Variants in FGF13 observed in about 807,000 individuals in gnomAD.
FGF13 encodes fibroblast growth factor 13.
A neutral mutation model predicts 19.5 loss-of-function variants in FGF13; 2 were observed. The ratio of observed to expected loss-of-function variants is 0.10; its 90% CI spans 0.04 to 0.32. The LOEUF is 0.32. FGF13 is among the 10% of genes least tolerant of loss of function. The pLI is 1.00. For synonymous variants in FGF13, 72 were observed against 76.9 expected (o/e 0.94, Z 0.33); for missense variants, 113 against 192.7 (o/e 0.59, Z 2.45).
chrX:138,654,075 G>A (rs1438494572), intron 3 of FGF13, among the ~76,000 whole-genome samples: 1 of 110,399 alleles, frequency 9.1e-6, no homozygotes, highest in Non-Finnish European at 1.9e-5. Context: ...GAACCCAGTC[G>A]GGTCTAACTT....
chrX:138,984,275 G>A (rs1000578778), intron 1 of FGF13, among the ~76,000 whole-genome samples: 13 of 108,391 alleles, frequency 1.2e-4, no homozygotes, highest in Non-Finnish European at 2.5e-4. Flanking sequence ...GGGCATGGTG[G>A]CACATGCCTG....
At chrX:138,828,291 C>T (rs886832203) in intron 3 of FGF13, among the ~76,000 whole-genome samples, 4 of 99 alleles carry the variant, frequency 0.04, no homozygotes, top group Non-Finnish European at 0.075. Flanking sequence ...CATTAAGGGC[C>T]GGGCGCGGTG....
chrX:139,052,366 C>T (rs1333442353), intron 1 of FGF13, among the ~76,000 whole-genome samples: 1 of 112,204 alleles, frequency 8.9e-6, no homozygotes, highest in African/African-American at 3.2e-5. Flanking sequence ...AAGAACTGAG[C>T]ATCCTGGAAA....
At position 138,616,935 on chromosome X, in the gene FGF13, C is replaced by T. The variant is rs2088973628; in HGVS notation, c.*15915G>A. The stretch of plus-strand genomic sequence containing the variant: ...CTGAAGCAGCTGGGGACGCAGGGTA[C>T]CATGTTTCAAGGCTGCAAAGAGCAA... On this transcript the variant is annotated 3_prime_UTR_variant, in exon 5 of 5. Transcript: ENST00000315930. 1 of 110,583 alleles carries T rather than the reference C, an allele frequency of 9.0e-6. No homozygotes were observed. The highest frequency in any genetic ancestry group is 1.9e-5 in the Non-Finnish European group (1 of 53,207). The allele number at this position is 110,583 out of a possible 1,213,427, so 9.1% of individuals were successfully genotyped here.
intron 1 of FGF13, among the ~76,000 whole-genome samples, chrX:139,188,626 G>A (rs1279233117): frequency 1.8e-5 from 2 of 111,628 alleles, no homozygotes; most frequent in African/African-American, 6.5e-5. Context: ...CTAAAGTCAA[G>A]GCCTGGATAT....
At chrX:138,761,452 A>G (rs770586970) in intron 3 of FGF13, among the ~76,000 whole-genome samples, 67 of 111,671 alleles carry the variant, frequency 6.0e-4, no homozygotes, top group African/African-American at 2.1e-3. Flanking sequence ...AGGCTTTGAA[A>G]GGACCACTGA....
chrX:138,697,243 T>C (rs1457764988), intron 3 of FGF13, among the ~76,000 whole-genome samples: 4 of 111,508 alleles, frequency 3.6e-5, no homozygotes, highest in Non-Finnish European at 7.5e-5. Context: ...TCAAAGGAGA[T>C]TGTATTATGA....
chrX:139,138,418 G>C (rs2083816472), intron 1 of FGF13, among the ~76,000 whole-genome samples: 1 of 111,855 alleles, frequency 8.9e-6, no homozygotes, highest in Non-Finnish European at 1.9e-5. Context: ...TCCCAAGTCA[G>C]AGGCTATTTC....
At chrX:138,635,171 C>T (rs2089168601) in intron 4 of FGF13, among the ~76,000 whole-genome samples, 1 of 111,719 alleles carries the variant, frequency 9.0e-6, no homozygotes, top group South Asian at 3.7e-4. Context: ...TATGTTCTCA[C>T]TTAAGTGGGA....
intron 1 of FGF13, among the ~76,000 whole-genome samples, chrX:139,164,254 G>A (rs12008155): frequency 0.12 from 13,342 of 110,554 alleles, 1,354 homozygotes; most frequent in African/African-American, 0.34. Flanking sequence ...TTTTCATGTG[G>A]TAGTTCTGTG....
chrX:139,183,659 G>C (rs912795109), intron 1 of FGF13, among the ~76,000 whole-genome samples: 2 of 112,054 alleles, frequency 1.8e-5, no homozygotes, highest in Non-Finnish European at 3.8e-5. Context: ...GGCCTTGCCA[G>C]CAGCAAATGC....
chrX:138,711,024 C>A lies in FGF13; in HGVS notation c.-21G>T. The stretch of plus-strand genomic sequence containing the variant: ...GCCATGGCCACGACGCCCACCACCA[C>A]CGCTTCTTTTGCTGCCCCTCTCTGG... On this transcript the variant is annotated 5_prime_UTR_variant, in exon 1 of 5. Coordinates refer to ENST00000315930, the MANE Select transcript of FGF13 (RefSeq NM_004114.5). The A allele has an allele frequency of 8.3e-7, 1 of 1,207,109 alleles. No homozygotes were observed. The highest frequency in any genetic ancestry group is 1.1e-6 in the Non-Finnish European group (1 of 893,842).
rs149608856 is a variant in FGF13 at position 139,051,842 on chromosome X, G to A, written c.-113+151574C>T. On this transcript the variant is annotated intron_variant, in intron 1 of 2. Coordinates refer to the FGF13 transcript ENST00000421460. ...AAGCATTATGACGGATTTCAGCCAT[G>A]TTCTAAAACTTCTTCTGAAAAAAAT... Among the ~76,000 whole-genome samples the A allele has an allele frequency of 8.0e-3, 893 of 112,225 alleles. 13 individuals carry two copies. Among genetic ancestry groups the A allele is most frequent in the African/African-American group, 0.027 (820 of 30,942 alleles).
chrX:138,845,278 A>G (rs927669625), intron 3 of FGF13, among the ~76,000 whole-genome samples: 2 of 111,474 alleles, frequency 1.8e-5, no homozygotes, highest in East Asian at 5.7e-4. Flanking sequence ...CTGTCTTATC[A>G]TGCTGTGCCT....
At chrX:138,826,294 C>T (rs763875813) in intron 3 of FGF13, among the ~76,000 whole-genome samples, 77 of 111,969 alleles carry the variant, frequency 6.9e-4, no homozygotes, top group Non-Finnish European at 1.2e-3. Flanking sequence ...TTCTTTTAGG[C>T]TAAGTGAATT....
chrX:139,159,592 T>A (rs1038338093), intron 1 of FGF13, among the ~76,000 whole-genome samples: 2 of 100,088 alleles, frequency 2.0e-5, no homozygotes, highest in Non-Finnish European at 3.9e-5. Flanking sequence ...TCATCTCACG[T>A]GCAAAGACGC....
intron 1 of FGF13, among the ~76,000 whole-genome samples, chrX:138,972,356 ATTTTT>A (rs34553958): frequency 1.3e-5 from 1 of 78,084 alleles, no homozygotes; most frequent in Non-Finnish European, 2.5e-5. Context: ...CTTCACCAGA[ATTTTT>A]TTTTTTTTTT....
intron 1 of FGF13, among the ~76,000 whole-genome samples, chrX:138,879,686 G>A (rs1476076325): frequency 2.8e-5 from 3 of 108,864 alleles, no homozygotes; most frequent in Admixed American, 9.9e-5. Context: ...AGTCCCCAGT[G>A]TGTGATGTTC....
rs2089094894 is a variant in FGF13, at chrX:138,629,506, C to T, written c.*3344G>A. ...GTCTCATATAGTGAGGAAGTTCTCA[C>T]TAAATCTGTTTGATAAGTGGCGCTT... On this transcript the variant is annotated 3_prime_UTR_variant, in exon 5 of 5. Coordinates refer to ENST00000315930, the MANE Select transcript of FGF13 (RefSeq NM_004114.5). The T allele has an allele frequency of 9.0e-6, 1 of 110,863 alleles. No individual in the cohort carries two copies. Among genetic ancestry groups the T allele is most frequent in the Non-Finnish European group, 1.9e-5 (1 of 52,981 alleles). The allele number at this position is 110,863 out of a possible 1,213,427, so 9.1% of individuals were successfully genotyped here.
Sources: allele counts gnomAD v4.1 joint callset (sites outside exome capture counted in the v4.1 genomes callset), GRCh38; gene constraint gnomAD v4.1.1; transcripts MANE v1.5; gene names NCBI Gene and HGNC (gene_info 2026-07-23, HGNC 2026-07-21).